The following ACP5 variants were observed in gnomAD, a reference collection of about 807,000 sequenced individuals.
ACP5 encodes the protein tartrate-resistant acid phosphatase type 5.
A neutral mutation model predicts 28.7 loss-of-function variants in ACP5; 24 were observed. The ratio of observed to expected loss-of-function variants is 0.84; its 90% CI spans 0.61 to 1.18. The LOEUF is 1.18. Ranked by LOEUF, ACP5 falls within the 50% of genes most tolerant of loss-of-function variation. The pLI, the probability that ACP5 is intolerant of heterozygous loss-of-function variation, is 0.00. For missense variants in ACP5, 354 were observed against 422.2 expected, an observed-to-expected ratio of 0.84 and a Z score of 1.42; for synonymous variants, 154 against 181.4, an observed-to-expected ratio of 0.85 and a Z score of 1.21.
chr19:11,576,397 G>A lies in ACP5; in HGVS notation c.581C>T (p.Ala194Val), dbSNP rs755385110. ...QLSWLKKQLA[A>V]AREDYVLVAG... is the part of the protein sequence containing the mutation. The stretch of plus-strand genomic sequence containing the variant: ...CACCAGCACGTAGTCCTCCCTGGCC[G>A]CCGCCAGCTGTTTCTTGAGCCAGGA... Residue 194 changes from alanine (A) to valine (V), a missense_variant, in exon 4 of 5, where the codon GCG becomes GTG. Transcript: ENST00000648477. 8.1e-6 allele frequency: 13 copies of A among 1,611,646 alleles called. No homozygotes were observed. The highest frequency in any genetic ancestry group is 1.1e-5 in the Non-Finnish European group (13 of 1,178,692).
chr19:11,577,391 CCT>C lies in ACP5; in HGVS notation c.1-76_1-75del. 1 of 1,532,918 alleles carries C rather than the reference CCT, an allele frequency of 6.5e-7. No homozygotes were observed. Among genetic ancestry groups the C allele is most frequent in the Non-Finnish European group, 8.9e-7 (1 of 1,125,154 alleles). 95.0% of individuals were successfully genotyped at this position (1,532,918 alleles called of 1,614,324 possible). On this transcript the variant is annotated intron_variant, in intron 1 of 4. Coordinates refer to ENST00000648477, the MANE Select transcript of ACP5 (RefSeq NM_001611.5). The surrounding 1 kb of genome is among the most constrained non-coding windows in gnomAD (Gnocchi z 5.7). The stretch of plus-strand genomic sequence containing the variant: ...GGGAGGCCTTGAGACCCCCGCCTGC[CCT>C]GAGATAGAGGGAGACTGCTTGCTGC...
At chr19:11,575,687 G>C (rs985835587) in intron 4 of ACP5, 4 of 230,878 alleles carry the variant, frequency 1.7e-5, no homozygotes, top group Non-Finnish European at 3.5e-5. Context: ...GTGAAACCCC[G>C]TCTCTACTAA....
intron 3 of ACP5, 32 bp from the exon 4 acceptor site, chr19:11,576,620 T>A: frequency 6.2e-7 from 1 of 1,613,380 alleles, no homozygotes; most frequent in Non-Finnish European, 8.5e-7. Flanking sequence ...TGGGTGCACA[T>A]CTTGGGCGCA....
At chr19:11,576,895 G>A (rs753558356) in intron 2 of ACP5, 52 bp from the exon 3 acceptor site, 51 of 1,613,270 alleles carry the variant, frequency 3.2e-5, no homozygotes, top group East Asian at 2.2e-4. Flanking sequence ...TGGCTATGCC[G>A]ATCCTCCCAC....
upstream of ACP5, chr19:11,577,964 T>G: frequency 6.0e-6 from 1 of 165,618 alleles, no homozygotes; most frequent in Non-Finnish European, 1.3e-5. This position sits in a 1 kb window ranked among gnomAD's most constrained non-coding sequence, Gnocchi z 5.7. Flanking sequence ...CTTGAGAGGC[T>G]GTGGCTGTGA....
At chr19:11,576,006 C>CAAAAAAAAAAAAAAAAAAAAAAAA (rs3035420) in intron 4 of ACP5, among the ~76,000 whole-genome samples, 39 of 52,716 alleles carry the variant, frequency 7.4e-4, no homozygotes, top group East Asian at 1.2e-3. Context: ...ACCTTGTCTC[C>CAAAAAAAAAAAAAAAAAAAAAAAA]AAAAAAAAAA....
At position 11,575,134 on chromosome 19, in the gene ACP5, G is replaced by A. The variant is rs1369048725; in HGVS notation, c.854C>T (p.Thr285Ile). The change falls in exon 5 of 5, where the codon ACT (threonine) becomes ATT (isoleucine). Residue 285 changes from threonine to isoleucine, a missense_variant. Thr to Ile is a moderately conservative substitution (Grantham distance 89). Coordinates refer to ENST00000648477, the MANE Select transcript of ACP5 (RefSeq NM_001611.5). ...PNGYLRFHYGTEDSLGGFAYV... is the reference protein window; with the variant it reads ...PNGYLRFHYGIEDSLGGFAYV... The stretch of plus-strand genomic sequence containing the variant: ...GGCAAAGCCACCCAGTGAGTCTTCA[G>A]TCCCATAGTGGAAGCGCAGATAGCC... 2 of 1,614,116 alleles carry A rather than the reference G, an allele frequency of 1.2e-6. No homozygotes were observed. The highest frequency in any genetic ancestry group is 2.7e-5 in the African/African-American group (2 of 74,944).
At chr19:11,578,764 C>T (rs1371938807), upstream of ACP5, 1 of 152,414 alleles carries the variant, frequency 6.6e-6, no homozygotes, top group East Asian at 1.9e-4. Flanking sequence ...CATTCCCAGC[C>T]CTGCAGCAGC....
intron 2 of ACP5, 56 bp from the exon 3 acceptor site, chr19:11,576,899 C>T: frequency 6.2e-7 from 1 of 1,613,514 alleles, no homozygotes; most frequent in Non-Finnish European, 8.5e-7. Context: ...TATGCCGATC[C>T]TCCCACCAAG....
chr19:11,577,460 G>A lies in ACP5; in HGVS notation c.-1+133C>T, dbSNP rs1973215645. On this transcript the variant is annotated intron_variant, in intron 1 of 4. Coordinates refer to ENST00000648477, the MANE Select transcript of ACP5 (RefSeq NM_001611.5). The surrounding 1 kb of genome is among the most constrained non-coding windows in gnomAD (Gnocchi z 5.7). The stretch of plus-strand genomic sequence containing the variant: ...AACCCCTTGGTGCCCTAATTCTCAG[G>A]ACACACAAGCTGCACAAGGCTGCAC... 1.1e-6 allele frequency: 1 copy of A among 948,934 alleles called. No individual in the cohort carries two copies. Among genetic ancestry groups the A allele is most frequent in the Non-Finnish European group, 1.6e-6 (1 of 611,584 alleles). 58.8% of individuals were successfully genotyped at this position (948,934 alleles called of 1,614,324 possible). A position where few individuals can be genotyped will look rare whatever the true frequency, so the allele number is the denominator to read the frequency against.
rs1374573548 is a variant in ACP5 at position 11,577,430 on chromosome 19, G to T, written c.1-113C>A. 1 of 1,245,064 alleles carries T rather than the reference G, an allele frequency of 8.0e-7. No individual in the cohort carries two copies. The highest frequency in any genetic ancestry group is 1.1e-6 in the Non-Finnish European group (1 of 873,280). 77.1% of individuals were successfully genotyped at this position (1,245,064 alleles called of 1,614,324 possible). A position where few individuals can be genotyped will look rare whatever the true frequency, so the allele number is the denominator to read the frequency against. On this transcript the variant is annotated intron_variant, in intron 1 of 4. Transcript: ENST00000648477. This position sits in a 1 kb window ranked among gnomAD's most constrained non-coding sequence, Gnocchi z 5.7. ...AGACTGCTTGCTGCAGGCTGCCCCTGCGGGAACCCCTTGGTGCCCTAATTC... is the reference window on the plus strand; with the variant it reads ...AGACTGCTTGCTGCAGGCTGCCCCTTCGGGAACCCCTTGGTGCCCTAATTC...
In ACP5 at chr19:11,577,152, G is replaced by A. The variant is rs371591030; in HGVS notation, c.166C>T (p.Arg56Trp). ...REMANAKEIA[R>W]TVQILGADFI... ...TCTGCACCCAGGATCTGCACAGTCCGAGCGATCTCCTTGGCATTGGCCATT... is the reference window on the plus strand; with the variant it reads ...TCTGCACCCAGGATCTGCACAGTCCAAGCGATCTCCTTGGCATTGGCCATT... The change falls in exon 2 of 5, where the codon CGG becomes TGG. Residue 56 changes from arginine (R) to tryptophan (W), a missense_variant. Transcript: ENST00000648477. This position sits in a 1 kb window ranked among gnomAD's most constrained non-coding sequence, Gnocchi z 5.7. 42 of 1,614,046 alleles carry A rather than the reference G, an allele frequency of 2.6e-5. No individual in the cohort carries two copies. The highest frequency in any genetic ancestry group is 1.3e-4 in the South Asian group (12 of 91,092).
rs150107007 is a variant in ACP5 at position 11,575,173 on chromosome 19, C to T, written c.815G>A (p.Arg272His). ...GCGCAGATAGCCGTTGGGGACCTTG[C>T]GCTGGTGCCGCTTTGAGGGGTCCAT... ...NFMDPSKRHQ[R>H]KVPNGYLRFH... Residue 272 changes from arginine (R) to histidine (H), a missense_variant, in exon 5 of 5, where the codon CGC becomes CAC. By Grantham distance (29) the Arg-to-His change is conservative. Coordinates refer to ENST00000648477, the MANE Select transcript of ACP5 (RefSeq NM_001611.5). 351 of 1,614,014 alleles carry T rather than the reference C, an allele frequency of 2.2e-4. No homozygotes were observed. Among genetic ancestry groups the T allele is most frequent in the Non-Finnish European group, 2.8e-4 (336 of 1,180,042 alleles).
chr19:11,578,495 T>G (rs939179383), upstream of ACP5: 1 of 152,200 alleles, frequency 6.6e-6, no homozygotes, highest in Non-Finnish European at 1.5e-5. Context: ...ACCCTCATAG[T>G]CTCAGCAGCT....
Position 11,577,496 on chromosome 19 carries a change from A to T in ACP5, c.-1+97T>A, listed in dbSNP as rs1973217183. ...TGCACAAGGCTGCACAAGCTGGCTT[A>T]GGGAAGGGGGGCGCGGTCTGTGAGA... On this transcript the variant is annotated intron_variant, in intron 1 of 4. Coordinates refer to ENST00000648477, the MANE Select transcript of ACP5 (RefSeq NM_001611.5). The surrounding 1 kb of genome is among the most constrained non-coding windows in gnomAD (Gnocchi z 5.7). 1.3e-6 allele frequency: 1 copy of T among 744,160 alleles called. No individual in the cohort carries two copies. The highest frequency in any genetic ancestry group is 2.3e-6 in the Non-Finnish European group (1 of 441,264). The allele number at this position is 744,160 out of a possible 1,614,324, so 46.1% of individuals were successfully genotyped here.
chr19:11,577,585 G>T lies in ACP5; in HGVS notation c.-1+8C>A. The T allele has an allele frequency of 1.8e-6, 1 of 561,262 alleles. No homozygotes were observed. 34.8% of individuals were successfully genotyped at this position (561,262 alleles called of 1,614,324 possible). On this transcript the variant is annotated splice_region_variant and intron_variant, in intron 1 of 4. Coordinates refer to ENST00000648477, the MANE Select transcript of ACP5 (RefSeq NM_001611.5). This position sits in a 1 kb window ranked among gnomAD's most constrained non-coding sequence, Gnocchi z 5.7. ...ACCCTCCTTCCACCTAGCCTGCCCA[G>T]CACTCACCCAGGGGGAGACACAGGC... is the stretch of plus-strand genomic sequence containing the variant.
At position 11,575,019 on chromosome 19, in the gene ACP5, G is replaced by A; in HGVS notation, c.969C>T (p.Ala323=). The change falls in exon 5 of 5, where the codon GCC becomes GCT. Residue 323 remains alanine (A), a synonymous_variant. Transcript: ENST00000648477. ...SLFKTRLPRR[A]RP is the part of the protein sequence containing the mutation. Reference sequence around the variant, plus strand: ...GGGCAGTCATGGGAGTTCAGGGCCTGGCTCGCCTCGGCAGCCTGGTCTTAA... The same window carrying A: ...GGGCAGTCATGGGAGTTCAGGGCCTAGCTCGCCTCGGCAGCCTGGTCTTAA... 6.2e-7 allele frequency: 1 copy of A among 1,614,142 alleles called. No homozygotes were observed. Among genetic ancestry groups the A allele is most frequent in the East Asian group, 2.2e-5 (1 of 44,884 alleles).
Position 11,575,134 on chromosome 19 carries a change from G to T in ACP5, c.854C>A (p.Thr285Asn). The change falls in exon 5 of 5, where the codon ACT becomes AAT. Residue 285 changes from threonine to asparagine, a missense_variant. Physicochemically the swap from Thr to Asn is moderately conservative, Grantham distance 65. Transcript: ENST00000648477. The stretch of plus-strand genomic sequence containing the variant: ...GGCAAAGCCACCCAGTGAGTCTTCA[G>T]TCCCATAGTGGAAGCGCAGATAGCC... ...PNGYLRFHYG[T>N]EDSLGGFAYV... 6.2e-7 allele frequency: 1 copy of T among 1,614,234 alleles called. No individual in the cohort carries two copies.
upstream of ACP5, chr19:11,578,969 C>G (rs1315846036): frequency 6.6e-6 from 1 of 152,212 alleles, no homozygotes; most frequent in African/African-American, 2.4e-5. Context: ...TCAGGGCTGA[C>G]CCAGGTGAGC....
Sources: gnomAD v4.1 joint callset for allele counts (sites outside exome capture counted in the v4.1 genomes callset) on GRCh38, gnomAD v4.1.1 for gene constraint, Gnocchi (gnomAD v3.1) non-coding constraint, MANE v1.5 for transcripts, NCBI Gene and HGNC (gene_info 2026-07-23, HGNC 2026-07-21) for gene names.